CPT1A: variants seen among roughly 807,000 people sequenced by gnomAD.
CPT1A encodes carnitine palmitoyltransferase 1A, also known as carnitine O-palmitoyltransferase 1, liver isoform.
A neutral mutation model predicts 100.8 loss-of-function variants in CPT1A; 64 were observed. The observed-to-expected ratio is 0.63, with a 90% CI of 0.52 to 0.78. The LOEUF is 0.78. Ranked by LOEUF, CPT1A falls within the 30% of genes least tolerant of loss-of-function variation. CPT1A has a pLI of 0.00. For missense variants in CPT1A, 802 were observed against 1,034.1 expected (o/e 0.78, Z 3.08); for synonymous variants, 363 against 396.0 (o/e 0.92, Z 0.99).
intron 14 of CPT1A, among the ~76,000 whole-genome samples, chr11:68,765,126 T>C (rs1034040234): frequency 2.6e-5 from 4 of 152,218 alleles, no homozygotes; most frequent in Admixed American, 6.5e-5. Context: ...GAGCACTTCA[T>C]AGGCGCTCAC....
At chr11:68,819,298 C>T (rs923903362) in intron 1 of CPT1A, among the ~76,000 whole-genome samples, 2 of 151,998 alleles carry the variant, frequency 1.3e-5, no homozygotes, top group African/African-American at 4.8e-5. Flanking sequence ...CAGGCTGTTC[C>T]CGAACTGCTG....
intron 1 of CPT1A, among the ~76,000 whole-genome samples, chr11:68,828,477 G>A (rs1477901672): frequency 2.6e-5 from 4 of 152,042 alleles, no homozygotes; most frequent in South Asian, 2.1e-4. Flanking sequence ...ACCTTTCATC[G>A]AGGGCAGGAG....
At chr11:68,783,441 C>A (rs549628706) in intron 10 of CPT1A, among the ~76,000 whole-genome samples, 17 of 152,294 alleles carry the variant, frequency 1.1e-4, no homozygotes, top group Middle Eastern at 6.8e-3. Context: ...TGCGGCTCCA[C>A]CCCCTGGACA....
At chr11:68,760,401 T>C (rs1946782556) in intron 16 of CPT1A, 63 bp from the exon 17 acceptor site, 3 of 1,328,176 alleles carry the variant, frequency 2.3e-6, no homozygotes, top group Non-Finnish European at 3.2e-6. Flanking sequence ...AGGAGTCGCT[T>C]TGGGAAGACG....
At chr11:68,770,110 GA>G (rs1429761551) in intron 14 of CPT1A, among the ~76,000 whole-genome samples, 1 of 151,516 alleles carries the variant, frequency 6.6e-6, no homozygotes, top group Non-Finnish European at 1.5e-5. Flanking sequence ...CTATGGTTCT[GA>G]AGTTTTTTTT....
intron 1 of CPT1A, among the ~76,000 whole-genome samples, chr11:68,818,293 G>A (rs1195883513): frequency 6.6e-6 from 1 of 152,142 alleles, no homozygotes; most frequent in African/African-American, 2.4e-5. Context: ...GCCAGGTACT[G>A]ACAAGGGACA....
At chr11:68,833,472 C>G (rs1030487963) in intron 1 of CPT1A, among the ~76,000 whole-genome samples, 3 of 152,264 alleles carry the variant, frequency 2.0e-5, no homozygotes, top group Non-Finnish European at 4.4e-5. Flanking sequence ...GTTTCCCAAA[C>G]TTGGCTGGGC....
chr11:68,775,045 G>A (rs1855106048), intron 13 of CPT1A, among the ~76,000 whole-genome samples: 1 of 152,108 alleles, frequency 6.6e-6, no homozygotes, highest in South Asian at 2.1e-4. Context: ...TTCTGTAGAT[G>A]TCTAGTTAAG....
At position 68,757,706 on chromosome 11, in the gene CPT1A, G is replaced by C. The variant is rs144781827; in HGVS notation, c.2260C>G (p.Leu754Val). The change falls in exon 19 of 19, where the codon CTG becomes GTG. Residue 754 changes from leucine (L) to valine (V), a missense_variant. Physicochemically the swap from Leu to Val is conservative, Grantham distance 32. This residue lies in a region of CPT1A where 627 missense variants were observed against 799.3 expected (regional missense o/e 0.78). Transcript: ENST00000265641. The stretch of plus-strand genomic sequence containing the variant: ...ATGATGTCAGTCATTGCTTCTTTCA[G>C]GTGCCTTCCAAAGCGATGAGAATCC... ...ETDSHRFGRH[L>V]KEAMTDIITL... The C allele has an allele frequency of 1.9e-6, 3 of 1,614,050 alleles. No individual in the cohort carries two copies. Among genetic ancestry groups the C allele is most frequent in the Non-Finnish European group, 1.7e-6 (2 of 1,180,026 alleles).
intron 2 of CPT1A, among the ~76,000 whole-genome samples, chr11:68,815,058 C>T (rs560794902): frequency 1.1e-3 from 164 of 152,168 alleles, no homozygotes; most frequent in Non-Finnish European, 2.2e-3. Flanking sequence ...CTAGTCTTTA[C>T]TCTGCCTCCT....
chr11:68,778,084 GTT>G (rs372816851), intron 12 of CPT1A, among the ~76,000 whole-genome samples: 1 of 147,484 alleles, frequency 6.8e-6, no homozygotes, highest in African/African-American at 2.5e-5. Context: ...AGAGCACTAT[GTT>G]TTTTTTTTTC....
chr11:68,834,804 A>G (rs1182883456), intron 1 of CPT1A, among the ~76,000 whole-genome samples: 1 of 152,076 alleles, frequency 6.6e-6, no homozygotes, highest in South Asian at 2.1e-4. Flanking sequence ...GTTTGAGACC[A>G]GCCTGGCCAA....
chr11:68,793,321 C>T lies in CPT1A; in HGVS notation c.961G>A (p.Glu321Lys), dbSNP rs114030714. 224 of 1,610,020 alleles carry T rather than the reference C, an allele frequency of 1.4e-4. No individual in the cohort carries two copies. In the African/African-American group the frequency reaches 2.7e-3, roughly 19 times the overall value. Residue 321 changes from glutamate to lysine, a missense_variant, in exon 9 of 19, where the codon GAG becomes AAG. Physicochemically the swap from Glu to Lys is moderately conservative, Grantham distance 56. Coordinates refer to ENST00000265641, the MANE Select transcript of CPT1A (RefSeq NM_001876.4). ...CTGAAGAAGCTTGACTCACCTGTCT[C>T]CTCTCCTGGGATCCGGGAAGTATTA... ...MFNTSRIPGE[E>K]TDTIQHMRDS...
At chr11:68,761,800 G>A (rs1200591015) in intron 15 of CPT1A, 113 bp from the exon 16 acceptor site, 9 of 1,302,870 alleles carry the variant, frequency 6.9e-6, no homozygotes, top group East Asian at 2.3e-5. Context: ...TAGTAGAGAC[G>A]GGGTTTCAAC....
chr11:68,798,245 T>TACAGAACAC (rs1855807925), intron 6 of CPT1A, among the ~76,000 whole-genome samples: 1 of 152,116 alleles, frequency 6.6e-6, no homozygotes, highest in Admixed American at 6.5e-5. Flanking sequence ...GAAACACACG[T>TACAGAACAC]ACCTACAGAA....
chr11:68,758,728 C>T (rs1946742604), intron 18 of CPT1A, among the ~76,000 whole-genome samples: 1 of 151,604 alleles, frequency 6.6e-6, no homozygotes, highest in Non-Finnish European at 1.5e-5. Context: ...AAGCGATTCT[C>T]CTACCTCAGC....
intron 14 of CPT1A, among the ~76,000 whole-genome samples, chr11:68,765,667 A>C (rs3019595): frequency 5.1e-4 from 78 of 152,350 alleles, no homozygotes; most frequent in African/African-American, 1.8e-3. Context: ...TCAGCATTCA[A>C]TCCATATTCA....
intron 12 of CPT1A, 108 bp from the exon 13 acceptor site, chr11:68,775,540 A>T (rs913230078): frequency 1.1e-6 from 1 of 883,122 alleles, no homozygotes; most frequent in Non-Finnish European, 1.9e-6. Flanking sequence ...CAAAGTTTGA[A>T]TCACAGCTGT....
At chr11:68,826,370 C>T (rs1169009028) in intron 1 of CPT1A, among the ~76,000 whole-genome samples, 1 of 151,632 alleles carries the variant, frequency 6.6e-6, no homozygotes, top group Non-Finnish European at 1.5e-5. Flanking sequence ...TGCTTGAACC[C>T]GGGAGGCAGA....
Sources: gnomAD v4.1 joint callset for allele counts (sites outside exome capture counted in the v4.1 genomes callset) on GRCh38, gnomAD v4.1.1 for gene constraint, gnomAD v4.1.1 regional missense constraint, MANE v1.5 for transcripts, NCBI Gene and HGNC (gene_info 2026-07-23, HGNC 2026-07-21) for gene names.